Variants in JAK2 observed in about 807,000 individuals in gnomAD.
JAK2 encodes Janus kinase 2.
JAK2 carries 86 observed loss-of-function variants against 139.3 expected under a neutral mutation model. The observed-to-expected ratio is 0.62, with a 90% confidence interval of 0.52 to 0.74. JAK2 has a LOEUF of 0.74. Among genes scored for constraint, JAK2 ranks in the 30% least tolerant of loss-of-function variants. JAK2 has a pLI of 0.00. For synonymous variants in JAK2, 490 were observed against 437.7 expected (o/e 1.12, Z -1.49); for missense variants, 1,421 against 1,360.3 (o/e 1.04, Z -0.70).
At chr9:4,991,900 A>G (rs1230259255) in intron 2 of JAK2, among the ~76,000 whole-genome samples, 2 of 152,074 alleles carry the variant, frequency 1.3e-5, no homozygotes, top group African/African-American at 4.8e-5. Context: ...TGCCTTCTCA[A>G]TTCTTCCCTC....
At chr9:5,039,645 G>T (rs1266144300) in intron 4 of JAK2, among the ~76,000 whole-genome samples, 1 of 151,900 alleles carries the variant, frequency 6.6e-6, no homozygotes, top group Non-Finnish European at 1.5e-5. Context: ...GTCAGTTGCA[G>T]AATAGAAGAT....
chr9:5,029,046 C>T (rs1235726375), intron 3 of JAK2, among the ~76,000 whole-genome samples: 1 of 152,126 alleles, frequency 6.6e-6, no homozygotes, highest in Non-Finnish European at 1.5e-5. Context: ...GGCTTTTAGC[C>T]TCTCTTGGCT....
chr9:5,024,702 AG>A (rs1229218177), intron 3 of JAK2, among the ~76,000 whole-genome samples: 1 of 152,136 alleles, frequency 6.6e-6, no homozygotes, highest in Non-Finnish European at 1.5e-5. Flanking sequence ...AGATAGCAAC[AG>A]CTTGTTCATT....
At chr9:5,084,994 G>C (rs1002022133) in intron 19 of JAK2, 4 of 843,112 alleles carry the variant, frequency 4.7e-6, no homozygotes, top group Non-Finnish European at 7.7e-6. Flanking sequence ...AGAAAGAGTT[G>C]TCATTTATGT....
chr9:5,109,274 T>A (rs1466150913), intron 22 of JAK2: 1 of 152,160 alleles, frequency 6.6e-6, no homozygotes, highest in Non-Finnish European at 1.5e-5. Flanking sequence ...ATCCTAAAAT[T>A]ATTATGGGCT....
chr9:5,106,098 C>A (rs537956834), intron 22 of JAK2, among the ~76,000 whole-genome samples: 1 of 152,078 alleles, frequency 6.6e-6, no homozygotes, highest in African/African-American at 2.4e-5. Flanking sequence ...CACAGCAAAA[C>A]AAACTACCAT....
At chr9:5,009,668 A>T (rs561692098) in intron 2 of JAK2, among the ~76,000 whole-genome samples, 12 of 152,142 alleles carry the variant, frequency 7.9e-5, no homozygotes, top group Non-Finnish European at 1.6e-4. Flanking sequence ...TCCTAACTGT[A>T]ATAATCCTTG....
chr9:5,112,417 C>T (rs1296447774), intron 22 of JAK2: 39 of 481,846 alleles, frequency 8.1e-5, no homozygotes, highest in Non-Finnish European at 1.4e-4. Context: ...GAGGAGAACA[C>T]GTCGGCGGCT....
chr9:5,007,153 T>G (rs557938450), intron 2 of JAK2, among the ~76,000 whole-genome samples: 1 of 152,150 alleles, frequency 6.6e-6, no homozygotes, highest in Non-Finnish European at 1.5e-5. Flanking sequence ...ATTTTTATGG[T>G]TTTTGGCTTA....
chr9:5,098,197 C>T (rs1821172916), intron 22 of JAK2: 1 of 152,112 alleles, frequency 6.6e-6, no homozygotes, highest in Admixed American at 6.5e-5. Context: ...ACATTAAACC[C>T]TTAAATGAAA....
At chr9:5,035,256 A>G (rs1823491462) in intron 4 of JAK2, among the ~76,000 whole-genome samples, 1 of 152,228 alleles carries the variant, frequency 6.6e-6, no homozygotes, top group Admixed American at 6.5e-5. Context: ...TTACCAACCA[A>G]AAAAAGTCCA....
chr9:5,026,003 C>G (rs922206729), intron 3 of JAK2, among the ~76,000 whole-genome samples: 4 of 152,134 alleles, frequency 2.6e-5, no homozygotes, highest in Admixed American at 2.6e-4. Flanking sequence ...TAGTGTTTAT[C>G]TGTGCCTCTT....
chr9:5,025,920 C>T (rs1822754794), intron 3 of JAK2, among the ~76,000 whole-genome samples: 1 of 152,190 alleles, frequency 6.6e-6, no homozygotes, highest in Admixed American at 6.5e-5. Flanking sequence ...TCTATATTTT[C>T]AAGTTTATTG....
chr9:5,087,799 A>C (rs1820249381), intron 19 of JAK2, among the ~76,000 whole-genome samples: 1 of 152,242 alleles, frequency 6.6e-6, no homozygotes, highest in African/African-American at 2.4e-5. Context: ...ACAGCTAATT[A>C]AGTATCCTTA....
intron 8 of JAK2, among the ~76,000 whole-genome samples, chr9:5,064,296 G>C (rs1048897579): frequency 7.2e-5 from 11 of 152,134 alleles, no homozygotes; most frequent in Non-Finnish European, 1.3e-4. Context: ...TTGGGAGACT[G>C]AGGTGGGTGG....
At chr9:5,017,942 A>G (rs1587831843) in intron 2 of JAK2, among the ~76,000 whole-genome samples, 1 of 152,302 alleles carries the variant, frequency 6.6e-6, no homozygotes, top group Non-Finnish European at 1.5e-5. Context: ...ATACCTTTGC[A>G]TGGAATATCT....
chr9:5,121,843 C>T (rs546322475), intron 22 of JAK2, among the ~76,000 whole-genome samples: 13 of 152,030 alleles, frequency 8.6e-5, no homozygotes, highest in African/African-American at 2.2e-4. Flanking sequence ...TGGAAATGTG[C>T]GGGAAATTAC....
chr9:4,986,374 A>G (rs1319145438), intron 2 of JAK2, among the ~76,000 whole-genome samples: 1 of 152,192 alleles, frequency 6.6e-6, no homozygotes, highest in East Asian at 1.9e-4. Context: ...TTGGGAGAAC[A>G]CGTTAGCTAT....
Position 5,089,664 on chromosome 9 carries a change from T to G in JAK2, c.2572-10T>G. Reference sequence around the variant, plus strand: ...TTGGTATTTCCATCCTAATGTGATGTGTCATTTAGGGTAATTTTGGGAGTG... The same window carrying G: ...TTGGTATTTCCATCCTAATGTGATGGGTCATTTAGGGTAATTTTGGGAGTG... On this transcript the variant is annotated splice_polypyrimidine_tract_variant and intron_variant, in intron 19 of 24. Transcript: ENST00000381652. The G allele has an allele frequency of 3.0e-6, 4 of 1,316,540 alleles. No homozygotes were observed. The highest frequency in any genetic ancestry group is 3.9e-6 in the Non-Finnish European group (4 of 1,016,464). The allele number at this position is 1,316,540 out of a possible 1,614,324, so 81.6% of individuals were successfully genotyped here. A position where few individuals can be genotyped will look rare whatever the true frequency, so the allele number is the denominator to read the frequency against.
Sources: gnomAD v4.1 joint callset for allele counts (sites outside exome capture counted in the v4.1 genomes callset) on GRCh38, gnomAD v4.1.1 for gene constraint, MANE v1.5 for transcripts, NCBI Gene and HGNC (gene_info 2026-07-23, HGNC 2026-07-21) for gene names.